SIRT1: variants seen among roughly 807,000 people sequenced by gnomAD.
The protein encoded by SIRT1 is sirtuin 1.
SIRT1 carries 24 observed loss-of-function variants against 67.9 expected under a neutral mutation model. The observed-to-expected ratio is 0.35, with a 90% CI of 0.26 to 0.50. The LOEUF is 0.50. SIRT1 is among the 20% of genes least tolerant of loss of function. SIRT1 has a pLI of 0.98. For missense variants in SIRT1, 873 were observed against 937.2 expected (o/e 0.93, Z 0.89); for synonymous variants, 378 against 350.7 (o/e 1.08, Z -0.87).
intron 8 of SIRT1, among the ~76,000 whole-genome samples, chr10:67,915,681 A>C (rs1441044695): frequency 1.3e-5 from 2 of 152,230 alleles, no homozygotes; most frequent in Non-Finnish European, 2.9e-5. Context: ...AATCAGAAAA[A>C]AGTTAAAATA....
At chr10:67,911,748 C>T (rs896289005) in intron 7 of SIRT1, among the ~76,000 whole-genome samples, 24 of 148,608 alleles carry the variant, frequency 1.6e-4, no homozygotes, top group Middle Eastern at 3.2e-3. Flanking sequence ...TCCTTCCTTC[C>T]GTTCATCTGT....
Position 67,916,513 on chromosome 10 carries a change from G to A in SIRT1, c.2164G>A (p.Asp722Asn). Reference sequence around the variant, plus strand: ...AGGAGCTGGATTTGGGACTGATGGAGATGATCAAGAGGCAATTAATGAAGC... The same window carrying A: ...AGGAGCTGGATTTGGGACTGATGGAAATGATCAAGAGGCAATTAATGAAGC... Reference protein sequence around the residue: ...AGGAGFGTDGDDQEAINEAIS... With the variant: ...AGGAGFGTDGNDQEAINEAIS... The change falls in exon 9 of 9, where the codon GAT becomes AAT. Residue 722 changes from aspartate (D) to asparagine (N), a missense_variant. By Grantham distance (23) the Asp-to-Asn change is conservative (BLOSUM62 1). Coordinates refer to ENST00000212015, the MANE Select transcript of SIRT1 (RefSeq NM_012238.5). 1.2e-6 allele frequency: 2 copies of A among 1,614,170 alleles called. No homozygotes were observed. Among genetic ancestry groups the A allele is most frequent in the Non-Finnish European group, 1.7e-6 (2 of 1,180,028 alleles).
Position 67,912,900 on chromosome 10 carries a change from T to C in SIRT1, c.1784T>C (p.Met595Thr), listed in dbSNP as rs139635382. The C allele has an allele frequency of 1.6e-4, 258 of 1,614,088 alleles. 1 individual carries two copies. In the African/African-American group the frequency reaches 3.0e-3, roughly 19 times the overall value. Residue 595 changes from methionine (M) to threonine (T), a missense_variant, in exon 8 of 9, where the codon ATG (methionine) becomes ACG (threonine). By Grantham distance (81) the Met-to-Thr change is moderately conservative. Coordinates refer to ENST00000212015, the MANE Select transcript of SIRT1 (RefSeq NM_012238.5). ...AATGTTGAAAGTATTGCTGAACAGA[T>C]GGAAAATCCGGATTTGAAGAATGTT... Reference protein sequence around the residue: ...SRNVESIAEQMENPDLKNVGS... With the variant: ...SRNVESIAEQTENPDLKNVGS...
At chr10:67,891,683 A>G (rs929548698) in intron 4 of SIRT1, 129 bp downstream of exon 4, 5 of 844,748 alleles carry the variant, frequency 5.9e-6, no homozygotes, top group African/African-American at 1.7e-5. Flanking sequence ...GCGGAGTAAG[A>G]TCACTCATTA....
intron 1 of SIRT1, chr10:67,885,478 C>G: frequency 2.1e-6 from 2 of 963,490 alleles, no homozygotes; most frequent in African/African-American, 3.4e-5. Flanking sequence ...TTTGTTAGAG[C>G]TTTTTTTTTC....
chr10:67,910,939 A>AC (rs1471308301), intron 7 of SIRT1, among the ~76,000 whole-genome samples: 2 of 152,154 alleles, frequency 1.3e-5, no homozygotes, highest in African/African-American at 4.8e-5. Flanking sequence ...ATTGAATTAG[A>AC]CCCCACATCA....
At position 67,884,972 on chromosome 10, in the gene SIRT1, C is replaced by CGGCGGCA; in HGVS notation, c.257_263dup (p.Glu89ArgfsTer59). 1 of 1,264,230 alleles carries CGGCGGCA rather than the reference C, an allele frequency of 7.9e-7. No homozygotes were observed. 78.3% of individuals were successfully genotyped at this position (1,264,230 alleles called of 1,614,324 possible). A position where few individuals can be genotyped will look rare whatever the true frequency, so the allele number is the denominator to read the frequency against. On this transcript the variant is annotated frameshift_variant, in exon 1 of 9. Transcript: ENST00000212015. LOFTEE classifies it high-confidence loss of function. ...TGGCGGGAGGCGGAGGCAGAGGCGGCGGCGGCAGGCGGGGAGCAAGAGGCC... is the reference window on the plus strand; with the variant it reads ...TGGCGGGAGGCGGAGGCAGAGGCGGCGGCGGCAGGCGGCAGGCGGGGAGCAAGAGGCC...
rs2029930234 is a variant in SIRT1 at position 67,916,794 on chromosome 10, T to C, written c.*201T>C. On this transcript the variant is annotated 3_prime_UTR_variant, in exon 9 of 9. Coordinates refer to ENST00000212015, the MANE Select transcript of SIRT1 (RefSeq NM_012238.5). ...CTTGTACAAACTCAACACTAACTTT[T>C]TTTTTTTTAAAAAAAAAAAGGTACT... The C allele has an allele frequency of 8.5e-6, 3 of 351,266 alleles. No homozygotes were observed. 21.8% of individuals were successfully genotyped at this position (351,266 alleles called of 1,614,324 possible).
chr10:67,899,279 A>G (rs1180010040), intron 4 of SIRT1, among the ~76,000 whole-genome samples: 3 of 151,776 alleles, frequency 2.0e-5, no homozygotes, highest in Non-Finnish European at 4.4e-5. Context: ...AAAATCCACA[A>G]AAACCCCAGG....
chr10:67,913,757 AAC>A (rs1196048485), intron 8 of SIRT1, among the ~76,000 whole-genome samples: 19 of 152,350 alleles, frequency 1.2e-4, no homozygotes, highest in African/African-American at 4.1e-4. Flanking sequence ...ACTTAGCTAT[AAC>A]AGTCTTATAT....
At chr10:67,896,730 C>T (rs1842663746) in intron 4 of SIRT1, among the ~76,000 whole-genome samples, 1 of 144,014 alleles carries the variant, frequency 6.9e-6, no homozygotes, top group Non-Finnish European at 1.5e-5. Context: ...CTGCTGTACT[C>T]CAGCCTGGGT....
At chr10:67,894,741 T>C (rs1303575316) in intron 4 of SIRT1, among the ~76,000 whole-genome samples, 1 of 152,184 alleles carries the variant, frequency 6.6e-6, no homozygotes, top group Non-Finnish European at 1.5e-5. Flanking sequence ...GATGGAGTCT[T>C]GCTCTGTTGC....
At chr10:67,886,151 C>T (rs1842476853) in intron 1 of SIRT1, among the ~76,000 whole-genome samples, 1 of 151,806 alleles carries the variant, frequency 6.6e-6, no homozygotes, top group African/African-American at 2.4e-5. Flanking sequence ...CCATGTTGGC[C>T]AGGATGGTCT....
chr10:67,890,369 TAATGAA>T (rs1247972387), intron 3 of SIRT1, among the ~76,000 whole-genome samples: 4 of 152,132 alleles, frequency 2.6e-5, no homozygotes, highest in African/African-American at 9.7e-5. Flanking sequence ...TTGTTTTTTT[TAATGAA>T]AATAGAGAAT....
rs1300623498 is a variant in SIRT1, at chr10:67,917,021, T to G, written c.*428T>G. 1 of 152,948 alleles carries G rather than the reference T, an allele frequency of 6.5e-6. No individual in the cohort carries two copies. Among genetic ancestry groups the G allele is most frequent in the Admixed American group, 6.5e-5 (1 of 15,290 alleles). The allele number at this position is 152,948 out of a possible 1,614,324, so 9.5% of individuals were successfully genotyped here. A position where few individuals can be genotyped will look rare whatever the true frequency, so the allele number is the denominator to read the frequency against. On this transcript the variant is annotated 3_prime_UTR_variant, in exon 9 of 9. Transcript: ENST00000212015. ...GACCAAAGAATGGTATTTTCACTTT[T>G]CTTTGTAACATTGAATGGTTTGAAG...
At chr10:67,906,402 C>T (rs1842821236) in intron 4 of SIRT1, 3 of 1,031,364 alleles carry the variant, frequency 2.9e-6, no homozygotes, top group African/African-American at 1.7e-5. Context: ...TTTTAAATCA[C>T]CCTACCTTGA....
At chr10:67,897,005 A>C (rs905815395) in intron 4 of SIRT1, among the ~76,000 whole-genome samples, 1 of 151,880 alleles carries the variant, frequency 6.6e-6, no homozygotes, top group Non-Finnish European at 1.5e-5. Context: ...AGAATACAAA[A>C]AATAGCCAGA....
intron 3 of SIRT1, among the ~76,000 whole-genome samples, chr10:67,890,887 G>C (rs1000183558): frequency 6.6e-6 from 1 of 151,604 alleles, no homozygotes; most frequent in South Asian, 2.1e-4. Flanking sequence ...AAAATCAGCC[G>C]GTCGCGGTGG....
chr10:67,886,972 A>T (rs936437914), intron 1 of SIRT1, among the ~76,000 whole-genome samples: 1 of 151,796 alleles, frequency 6.6e-6, no homozygotes, highest in Non-Finnish European at 1.5e-5. Context: ...CCCGGGTTCA[A>T]GCCATTCTCG....
Sources: gnomAD v4.1 joint callset for allele counts (sites outside exome capture counted in the v4.1 genomes callset) on GRCh38, gnomAD v4.1.1 for gene constraint, MANE v1.5 for transcripts, NCBI Gene and HGNC (gene_info 2026-07-23, HGNC 2026-07-21) for gene names.